Variants in NAP1L1 observed in about 807,000 individuals in gnomAD.
NAP1L1 encodes the protein nucleosome assembly protein 1 like 1.
NAP1L1 carries 9 observed loss-of-function variants against 58.9 expected under a neutral mutation model. The ratio of observed to expected loss-of-function variants is 0.15; its 90% confidence interval spans 0.09 to 0.27. The LOEUF is 0.27. NAP1L1 is among the 10% of genes least tolerant of loss of function. The pLI, the probability that NAP1L1 is intolerant of heterozygous loss-of-function variation, is 1.00. For missense variants in NAP1L1, 302 were observed against 458.8 expected, an observed-to-expected ratio of 0.66 and a Z score of 3.12; for synonymous variants, 130 against 138.3, an observed-to-expected ratio of 0.94 and a Z score of 0.42.
intron 9 of NAP1L1, 67 bp downstream of exon 9, chr12:76,053,703 G>A (rs1257132808): frequency 8.5e-6 from 13 of 1,531,090 alleles, no homozygotes; most frequent in Admixed American, 7.9e-5. Context: ...GAAAATAACC[G>A]AGTATACAAA....
chr12:76,048,243 C>A lies in NAP1L1; in HGVS notation c.*186G>T. 3.6e-6 allele frequency: 2 copies of A among 555,872 alleles called. No individual in the cohort carries two copies. Among genetic ancestry groups the A allele is most frequent in the South Asian group, 2.8e-5 (1 of 35,652 alleles). 34.4% of individuals were successfully genotyped at this position (555,872 alleles called of 1,614,324 possible). A position where few individuals can be genotyped will look rare whatever the true frequency, so the allele number is the denominator to read the frequency against. ...GACAGAATTTGTGCATTCAACATAG[C>A]TGGCAGAAAAACTAGTTAAAATGCT... is the stretch of plus-strand genomic sequence containing the variant. On this transcript the variant is annotated 3_prime_UTR_variant, in exon 15 of 15. Transcript: ENST00000618691.
chr12:76,067,523 T>C (rs1200153376), intron 3 of NAP1L1, 50 bp from the exon 4 acceptor site: 2 of 1,456,106 alleles, frequency 1.4e-6, no homozygotes, highest in Non-Finnish European at 1.9e-6. Context: ...AAATGTATTA[T>C]GCTTTTTTAA....
intron 6 of NAP1L1, among the ~76,000 whole-genome samples, chr12:76,058,311 T>C (rs11180816): frequency 0.14 from 21,583 of 150,762 alleles, 2,008 homozygotes; most frequent in Non-Finnish European, 0.22. Flanking sequence ...ATTGCCAAAG[T>C]CAAATAAACA....
chr12:76,061,756 A>G (rs1456863614), intron 4 of NAP1L1, among the ~76,000 whole-genome samples: 4 of 152,240 alleles, frequency 2.6e-5, no homozygotes, highest in African/African-American at 9.6e-5. Flanking sequence ...TTACTTAGCC[A>G]CCAGTTTACT....
At chr12:76,054,934 C>T (rs1949011337) in intron 8 of NAP1L1, 85 bp downstream of exon 8, 4 of 940,784 alleles carry the variant, frequency 4.3e-6, no homozygotes, top group African/African-American at 3.4e-5. Context: ...ACCAACCTTA[C>T]CCTTGAATGT....
intron 6 of NAP1L1, chr12:76,057,944 T>C (rs1949197629): frequency 5.7e-6 from 6 of 1,056,146 alleles, no homozygotes; most frequent in South Asian, 1.3e-5. Flanking sequence ...CTTGTAACTT[T>C]TGAAATTGAT....
intron 4 of NAP1L1, among the ~76,000 whole-genome samples, chr12:76,064,481 T>C (rs1949570601): frequency 6.6e-6 from 1 of 151,450 alleles, no homozygotes; most frequent in African/African-American, 2.4e-5. Flanking sequence ...AATTAAAAAA[T>C]AAAAATCAAA....
intron 4 of NAP1L1, among the ~76,000 whole-genome samples, chr12:76,065,266 G>C (rs988900027): frequency 6.6e-6 from 1 of 151,578 alleles, no homozygotes; most frequent in Non-Finnish European, 1.5e-5. Context: ...CCAAAGGTCA[G>C]ATTAAAAAAC....
intron 1 of NAP1L1, among the ~76,000 whole-genome samples, chr12:76,076,102 C>T (rs1376146649): frequency 6.6e-6 from 1 of 152,296 alleles, no homozygotes; most frequent in Non-Finnish European, 1.5e-5. Context: ...CCTTTGCTTT[C>T]CATGTTCACC....
rs540822804 is a variant in NAP1L1 at position 76,058,976 on chromosome 12, G to T, written c.429+822C>A. Among the ~76,000 whole-genome samples the T allele has an allele frequency of 4.1e-4, 62 of 152,300 alleles. 1 individual carries two copies. The East Asian group carries it at 6.0e-3, about 15-fold the overall frequency. On this transcript the variant is annotated intron_variant, in intron 6 of 14. Coordinates refer to ENST00000618691, the MANE Select transcript of NAP1L1 (RefSeq NM_004537.7). ...GCTATTCTGGAGATTATTTGGTAAA[G>T]TATACTAAAAGCCTTAAAACCACGT...
At chr12:76,049,588 G>A (rs1948727130) in intron 13 of NAP1L1, 168 bp downstream of exon 13, 7 of 1,518,638 alleles carry the variant, frequency 4.6e-6, no homozygotes, top group Non-Finnish European at 6.2e-6. Flanking sequence ...TTTATTTATT[G>A]AAACCTTATA....
At position 76,048,184 on chromosome 12, in the gene NAP1L1, G is replaced by A; in HGVS notation, c.*245C>T. ...AGAGCTACATAAAAATATTCCAGAAGAACCAAATTATGTAGCAATGAATGA... is the reference window on the plus strand; with the variant it reads ...AGAGCTACATAAAAATATTCCAGAAAAACCAAATTATGTAGCAATGAATGA... On this transcript the variant is annotated 3_prime_UTR_variant, in exon 15 of 15. Transcript: ENST00000618691. 2.4e-6 allele frequency: 1 copy of A among 415,100 alleles called. No individual in the cohort carries two copies. 25.7% of individuals were successfully genotyped at this position (415,100 alleles called of 1,614,324 possible). A position where few individuals can be genotyped will look rare whatever the true frequency, so the allele number is the denominator to read the frequency against.
At position 76,068,735 on chromosome 12, in the gene NAP1L1, T is replaced by TACACACACACACACAC. The variant is rs35120003; in HGVS notation, c.103+158_103+173dup. On this transcript the variant is annotated intron_variant, in intron 3 of 14. Transcript: ENST00000618691. ...GCTGTATCTATACCTACCCGCCCCT[T>TACACACACACACACAC]ACACACACACACACACACACACACA... 9.2e-3 allele frequency: 2,703 copies of TACACACACACACACAC among 294,720 alleles called. 46 individuals carry two copies. Among genetic ancestry groups the TACACACACACACACAC allele is most frequent in the African/African-American group, 0.015 (532 of 35,124 alleles). 18.3% of individuals were successfully genotyped at this position (294,720 alleles called of 1,614,324 possible). A position where few individuals can be genotyped will look rare whatever the true frequency, so the allele number is the denominator to read the frequency against.
chr12:76,065,013 C>A (rs1428469474), intron 4 of NAP1L1, among the ~76,000 whole-genome samples: 1 of 152,082 alleles, frequency 6.6e-6, no homozygotes, highest in Non-Finnish European at 1.5e-5. Context: ...CTGAAACTTT[C>A]TTTATGCACA....
At chr12:76,052,269 A>AC (rs1948877746) in intron 11 of NAP1L1, among the ~76,000 whole-genome samples, 2 of 152,060 alleles carry the variant, frequency 1.3e-5, no homozygotes, top group South Asian at 2.1e-4. Context: ...AAACAAACAA[A>AC]AAAAAACCCC....
chr12:76,059,696 C>T (rs1478423369), intron 6 of NAP1L1, 102 bp downstream of exon 6: 11 of 757,092 alleles, frequency 1.5e-5, no homozygotes, highest in South Asian at 5.3e-5. Flanking sequence ...AAAAATACAA[C>T]TGGTTATATA....
In NAP1L1 at chr12:76,044,328, T is replaced by A. The variant is rs1291525831; in HGVS notation, c.*4101A>T. The A allele has an allele frequency of 6.6e-6, 1 of 152,058 alleles. No individual in the cohort carries two copies. Among genetic ancestry groups the A allele is most frequent in the Non-Finnish European group, 1.5e-5 (1 of 67,986 alleles). 9.4% of individuals were successfully genotyped at this position (152,058 alleles called of 1,614,324 possible). ...AAAATAAAAATAAATGGATAAAACA[T>A]GTAAGAAACTAAAAAGCAATGCTTT... On this transcript the variant is annotated 3_prime_UTR_variant, in exon 15 of 15. Transcript: ENST00000618691.
intron 12 of NAP1L1, 26 bp downstream of exon 12, chr12:76,050,505 T>G: frequency 6.3e-7 from 1 of 1,591,708 alleles, no homozygotes; most frequent in African/African-American, 1.4e-5. Flanking sequence ...ACCAATTATT[T>G]CTTTGCAGGA....
At chr12:76,049,391 A>T (rs1948718465) in intron 13 of NAP1L1, 141 bp from the exon 14 acceptor site, 2 of 1,541,680 alleles carry the variant, frequency 1.3e-6, no homozygotes, top group South Asian at 2.4e-5. Flanking sequence ...ATACAATTTA[A>T]TTTGAAAGCT....
Sources: allele counts gnomAD v4.1 joint callset (sites outside exome capture counted in the v4.1 genomes callset), GRCh38; gene constraint gnomAD v4.1.1; transcripts MANE v1.5; gene names NCBI Gene and HGNC (gene_info 2026-07-23, HGNC 2026-07-21).